Variants in IRF6 observed in about 807,000 individuals in gnomAD.
IRF6 encodes the protein Van der Woude syndrome.
Under a neutral mutation model 51.4 loss-of-function variants are expected in IRF6, and 6 were observed. That is an observed-to-expected ratio of 0.12 (90% CI 0.06 to 0.23). IRF6 has a LOEUF of 0.23. Among genes scored for constraint, IRF6 ranks in the 10% least tolerant of loss-of-function variants. The pLI is 1.00. For synonymous variants in IRF6, 178 were observed against 215.7 expected, an observed-to-expected ratio of 0.83 and a Z score of 1.53; for missense variants, 348 against 585.2, an observed-to-expected ratio of 0.59 and a Z score of 4.18.
chr1:209,790,592 C>T lies in IRF6; in HGVS notation c.963G>A (p.Val321=). The change falls in exon 7 of 9, where the codon GTG becomes GTA. Residue 321 remains valine, a synonymous_variant. Transcript: ENST00000367021. This position sits in a 1 kb window ranked among gnomAD's most constrained non-coding sequence, Gnocchi z 4.8. ...IYAIRLCQCK[V]YWSGPCAPSL... ...ATGGGGCACATGGCCCAGACCAGTA[C>T]ACCTTGCACTGGCACAGCCTGATGG... 1 of 1,614,256 alleles carries T rather than the reference C, an allele frequency of 6.2e-7. No individual in the cohort carries two copies.
intron 7 of IRF6, 27 bp from the exon 8 acceptor site, chr1:209,789,812 G>A (rs1440514220): frequency 6.8e-7 from 1 of 1,468,052 alleles, no homozygotes; most frequent in Non-Finnish European, 9.5e-7. Context: ...AGCAAGTTTG[G>A]TATACTGGGT....
chr1:209,803,682 TCC>T (rs1241870078), intron 1 of IRF6, among the ~76,000 whole-genome samples: 1 of 151,736 alleles, frequency 6.6e-6, no homozygotes, highest in East Asian at 1.9e-4. Flanking sequence ...AGCCAAGATC[TCC>T]CCCACTCACC....
At chr1:209,797,444 G>C (rs572473858) in intron 3 of IRF6, among the ~76,000 whole-genome samples, 1 of 151,742 alleles carries the variant, frequency 6.6e-6, no homozygotes, top group African/African-American at 2.4e-5. Flanking sequence ...ACACACTGGG[G>C]GTTCAGCTTG....
chr1:209,802,084 C>T (rs1037968161), intron 1 of IRF6, 41 bp from the exon 2 acceptor site: 1 of 152,184 alleles, frequency 6.6e-6, no homozygotes, highest in East Asian at 1.9e-4. Context: ...GCTATCCATA[C>T]AACAATCCAG....
intron 8 of IRF6, among the ~76,000 whole-genome samples, chr1:209,789,180 C>T (rs887350152): frequency 1.3e-5 from 2 of 151,978 alleles, no homozygotes; most frequent in Non-Finnish European, 2.9e-5. Flanking sequence ...AAAATTAGGC[C>T]AGGCATGGTA....
At position 209,788,662 on chromosome 1, in the gene IRF6, C is replaced by T; in HGVS notation, c.1180-18G>A. 1 of 1,591,560 alleles carries T rather than the reference C, an allele frequency of 6.3e-7. No homozygotes were observed. The highest frequency in any genetic ancestry group is 8.6e-7 in the Non-Finnish European group (1 of 1,159,534). On this transcript the variant is annotated intron_variant, in intron 8 of 8. Transcript: ENST00000367021. Reference sequence around the variant, plus strand: ...GGAATGACCTGTTCAGGACACAGAACACAGGTGTATCCTCTGAGGAAAAGG... The same window carrying T: ...GGAATGACCTGTTCAGGACACAGAATACAGGTGTATCCTCTGAGGAAAAGG...
chr1:209,791,206 G>A (rs966991493), intron 6 of IRF6, among the ~76,000 whole-genome samples: 14 of 152,286 alleles, frequency 9.2e-5, no homozygotes, highest in African/African-American at 3.1e-4. Context: ...TCACACCAAT[G>A]GTCATTGGAA....
Position 209,792,140 on chromosome 1 carries a change from G to A in IRF6, c.667+129C>T. 5 of 1,021,838 alleles carry A rather than the reference G, an allele frequency of 4.9e-6. No individual in the cohort carries two copies. The South Asian group carries it at 6.9e-5, about 14-fold the overall frequency. 63.3% of individuals were successfully genotyped at this position (1,021,838 alleles called of 1,614,324 possible). ...TGACTCATGGGCTAGCCAGGAAACA[G>A]AAACAGAGGATGCCTCTGAGACAGG... is the stretch of plus-strand genomic sequence containing the variant. On this transcript the variant is annotated intron_variant, in intron 6 of 8. Coordinates refer to ENST00000367021, the MANE Select transcript of IRF6 (RefSeq NM_006147.4).
Position 209,790,362 on chromosome 1 carries a change from T to G in IRF6, c.1060+133A>C, listed in dbSNP as rs2077861668. 9.8e-7 allele frequency: 1 copy of G among 1,023,474 alleles called. No homozygotes were observed. Among genetic ancestry groups the G allele is most frequent in the Non-Finnish European group, 1.5e-6 (1 of 667,384 alleles). The allele number at this position is 1,023,474 out of a possible 1,614,324, so 63.4% of individuals were successfully genotyped here. On this transcript the variant is annotated intron_variant, in intron 7 of 8. Transcript: ENST00000367021. This position sits in a 1 kb window ranked among gnomAD's most constrained non-coding sequence, Gnocchi z 4.8. ...TTAGAACCAAAGTTCTGTTCTCCCTTGACCTCCTCCAGACTAAATTTTTTA... is the reference window on the plus strand; with the variant it reads ...TTAGAACCAAAGTTCTGTTCTCCCTGGACCTCCTCCAGACTAAATTTTTTA...
chr1:209,802,891 C>G (rs185019518), intron 1 of IRF6, among the ~76,000 whole-genome samples: 1 of 152,314 alleles, frequency 6.6e-6, no homozygotes, highest in South Asian at 2.1e-4. Flanking sequence ...CACTTCTCTC[C>G]CCAGCCAGAC....
chr1:209,790,392 C>A lies in IRF6; in HGVS notation c.1060+103G>T. ...TCCTCCAGACTAAATTTTTTAAGAT[C>A]TTTGCCATGCCAGGAAAGCAGGAAG... On this transcript the variant is annotated intron_variant, in intron 7 of 8. Coordinates refer to ENST00000367021, the MANE Select transcript of IRF6 (RefSeq NM_006147.4). The surrounding 1 kb of genome is among the most constrained non-coding windows in gnomAD (Gnocchi z 4.8). 7.1e-7 allele frequency: 1 copy of A among 1,409,246 alleles called. No homozygotes were observed. Among genetic ancestry groups the A allele is most frequent in the Non-Finnish European group, 1.0e-6 (1 of 1,001,698 alleles). 87.3% of individuals were successfully genotyped at this position (1,409,246 alleles called of 1,614,324 possible). A position where few individuals can be genotyped will look rare whatever the true frequency, so the allele number is the denominator to read the frequency against.
chr1:209,792,975 A>G (rs2077878225), intron 5 of IRF6, among the ~76,000 whole-genome samples: 1 of 152,076 alleles, frequency 6.6e-6, no homozygotes, highest in Non-Finnish European at 1.5e-5. Context: ...CTTTCCACTG[A>G]TTTACCTTTT....
intron 1 of IRF6, among the ~76,000 whole-genome samples, chr1:209,804,286 C>T (rs896427603): frequency 3.3e-5 from 5 of 152,176 alleles, no homozygotes; most frequent in African/African-American, 4.8e-5. Context: ...CCCCATTTTA[C>T]ATCTGGGCTG....
At chr1:209,803,715 A>C (rs1210626238) in intron 1 of IRF6, among the ~76,000 whole-genome samples, 1 of 152,218 alleles carries the variant, frequency 6.6e-6, no homozygotes, top group Non-Finnish European at 1.5e-5. Flanking sequence ...TACAAGTCTA[A>C]AAACAGGCAG....
chr1:209,795,795 A>G (rs771969760), intron 4 of IRF6, among the ~76,000 whole-genome samples: 3 of 152,086 alleles, frequency 2.0e-5, no homozygotes, highest in Non-Finnish European at 4.4e-5. Context: ...ACATCACTAT[A>G]TACCCAACGA....
In IRF6 at chr1:209,786,507, T is replaced by A. The variant is rs2077834509; in HGVS notation, c.*1913A>T. 1 of 152,122 alleles carries A rather than the reference T, an allele frequency of 6.6e-6. No individual in the cohort carries two copies. The highest frequency in any genetic ancestry group is 1.5e-5 in the Non-Finnish European group (1 of 68,024). The allele number at this position is 152,122 out of a possible 1,614,324, so 9.4% of individuals were successfully genotyped here. On this transcript the variant is annotated 3_prime_UTR_variant, in exon 9 of 9. Transcript: ENST00000367021. ...CCCTTCTAATTTACCTACAGTGGGT[T>A]TTTAACTTTGAGTTCCCACGTAGAG... is the stretch of plus-strand genomic sequence containing the variant.
chr1:209,787,226 G>A lies in IRF6; in HGVS notation c.*1194C>T, dbSNP rs2077839876. ...AGCAAGACTCTGTCTCAAAAAAGAA[G>A]AGAAAGCTGAAAGGGTTAGAGACTC... is the stretch of plus-strand genomic sequence containing the variant. On this transcript the variant is annotated 3_prime_UTR_variant, in exon 9 of 9. Coordinates refer to ENST00000367021, the MANE Select transcript of IRF6 (RefSeq NM_006147.4). The A allele has an allele frequency of 6.6e-6, 1 of 152,348 alleles. No individual in the cohort carries two copies. Among genetic ancestry groups the A allele is most frequent in the Non-Finnish European group, 1.5e-5 (1 of 68,188 alleles). The allele number at this position is 152,348 out of a possible 1,614,324, so 9.4% of individuals were successfully genotyped here.
Position 209,789,802 on chromosome 1 carries a change from A to G in IRF6, c.1061-17T>C, listed in dbSNP as rs2077858227. ...CAATGAGATCTGCAGAAAGTGGAAG[A>G]GCAAGTTTGGTATACTGGGTCATTC... On this transcript the variant is annotated splice_polypyrimidine_tract_variant and intron_variant, in intron 7 of 8. Coordinates refer to ENST00000367021, the MANE Select transcript of IRF6 (RefSeq NM_006147.4). The G allele has an allele frequency of 2.5e-6, 4 of 1,575,492 alleles. No individual in the cohort carries two copies. Among genetic ancestry groups the G allele is most frequent in the Middle Eastern group, 1.7e-4 (1 of 6,004 alleles).
intron 3 of IRF6, among the ~76,000 whole-genome samples, chr1:209,797,427 G>A (rs369399437): frequency 2.6e-5 from 4 of 151,094 alleles, no homozygotes; most frequent in African/African-American, 9.7e-5. Context: ...CTTTAGGAGG[G>A]AAGGAAACAC....
Sources: allele counts gnomAD v4.1 joint callset (sites outside exome capture counted in the v4.1 genomes callset), GRCh38; gene constraint gnomAD v4.1.1; non-coding constraint Gnocchi (gnomAD v3.1); transcripts MANE v1.5; gene names NCBI Gene and HGNC (gene_info 2026-07-23, HGNC 2026-07-21).